MYO3B: variants seen among roughly 807,000 people sequenced by gnomAD.
The protein encoded by MYO3B is myosin-IIIb.
In MYO3B, 156 loss-of-function variants were observed where a neutral mutation model predicts 174.6. That is an observed-to-expected ratio of 0.89 (90% confidence interval 0.78 to 1.02). The LOEUF (loss-of-function observed/expected upper bound fraction) is 1.02. Among genes scored for constraint, MYO3B ranks in the 50% least tolerant of loss-of-function variants. The pLI is 0.00. For synonymous variants in MYO3B, 563 were observed against 569.1 expected, an observed-to-expected ratio of 0.99 and a Z score of 0.15; for missense variants, 1,632 against 1,639.4, an observed-to-expected ratio of 1.00 and a Z score of 0.08.
chr2:170,313,654 G>C (rs964408014), intron 7 of MYO3B, among the ~76,000 whole-genome samples: 1 of 152,108 alleles, frequency 6.6e-6, no homozygotes, highest in African/African-American at 2.4e-5. Context: ...ATGCTCCTTT[G>C]AGAATATCCT....
intron 8 of MYO3B, chr2:170,343,964 C>G (rs1248456559): frequency 2.0e-5 from 3 of 152,242 alleles, no homozygotes; most frequent in African/African-American, 7.2e-5. Context: ...TTTTCTCTCA[C>G]TTGAAATCAG....
At chr2:170,470,102 CAAAAAAAAAAAAAAAAA>C (rs34472083) in intron 25 of MYO3B, among the ~76,000 whole-genome samples, 2 of 46,366 alleles carry the variant, frequency 4.3e-5, no homozygotes, top group African/African-American at 1.6e-4. Context: ...AACTCCGTCT[CAAAAAAAAAAAAAAAAA>C]AAAAAAAAAA....
intron 31 of MYO3B, among the ~76,000 whole-genome samples, chr2:170,543,450 G>C (rs1215022037): frequency 6.6e-6 from 1 of 152,114 alleles, no homozygotes; most frequent in Non-Finnish European, 1.5e-5. Flanking sequence ...TACAGTTTTT[G>C]CCAGTAACTC....
chr2:170,575,890 C>T (rs897028450), intron 32 of MYO3B, among the ~76,000 whole-genome samples: 1 of 152,172 alleles, frequency 6.6e-6, no homozygotes, highest in African/African-American at 2.4e-5. Context: ...TTCTCCCATT[C>T]GTATTGCCTC....
At chr2:170,582,222 G>A (rs1205072210) in intron 32 of MYO3B, among the ~76,000 whole-genome samples, 2 of 152,224 alleles carry the variant, frequency 1.3e-5, no homozygotes, top group East Asian at 3.8e-4. Flanking sequence ...GAATTCCCAG[G>A]AAGCAAAGGG....
chr2:170,477,446 G>C (rs1685385628), intron 25 of MYO3B, among the ~76,000 whole-genome samples: 1 of 152,060 alleles, frequency 6.6e-6, no homozygotes, highest in Non-Finnish European at 1.5e-5. Context: ...GGATGGAGTG[G>C]ACTTTACTCA....
chr2:170,519,730 G>T (rs1027532284), intron 30 of MYO3B, 190 bp downstream of exon 30: 64 of 494,954 alleles, frequency 1.3e-4, no homozygotes, highest in African/African-American at 1.1e-3. Flanking sequence ...CCAGCACTTT[G>T]TGGGGGCCGA....
intron 32 of MYO3B, among the ~76,000 whole-genome samples, chr2:170,641,871 G>C (rs1293433012): frequency 1.5e-5 from 1 of 66,490 alleles, no homozygotes; most frequent in African/African-American, 1.4e-4. Flanking sequence ...GGGGGGGGGG[G>C]GAGGGGCGGG....
intron 7 of MYO3B, among the ~76,000 whole-genome samples, chr2:170,330,352 C>CT (rs1224476481): frequency 6.6e-6 from 1 of 152,122 alleles, no homozygotes; most frequent in Non-Finnish European, 1.5e-5. Context: ...GTAATGGACT[C>CT]TTCACGAGAT....
intron 7 of MYO3B, among the ~76,000 whole-genome samples, chr2:170,315,567 A>G (rs1357771175): frequency 6.6e-6 from 1 of 152,138 alleles, no homozygotes; most frequent in Non-Finnish European, 1.5e-5. Flanking sequence ...CAGCCTCCCA[A>G]AGTGCTGGGA....
chr2:170,419,787 G>A (rs541986404), intron 22 of MYO3B, among the ~76,000 whole-genome samples: 6 of 152,272 alleles, frequency 3.9e-5, no homozygotes, highest in Non-Finnish European at 8.8e-5. Context: ...AAGGTGAGCG[G>A]AGAGAAGAAC....
chr2:170,515,112 A>G, intron 29 of MYO3B, 90 bp downstream of exon 29: 4 of 1,069,980 alleles, frequency 3.7e-6, no homozygotes, highest in Non-Finnish European at 5.5e-6. Context: ...CCTCTTATAT[A>G]AGAACCTTCT....
intron 8 of MYO3B, among the ~76,000 whole-genome samples, chr2:170,342,773 A>G (rs748565566): frequency 8.5e-5 from 13 of 152,118 alleles, no homozygotes; most frequent in Admixed American, 3.3e-4. Context: ...AAAGAGGCCA[A>G]GAGTCCCAAG....
intron 32 of MYO3B, among the ~76,000 whole-genome samples, chr2:170,591,211 G>A (rs369286221): frequency 2.0e-5 from 3 of 152,030 alleles, no homozygotes; most frequent in African/African-American, 4.8e-5. Context: ...GAGCATCAGC[G>A]GATTCCTGTG....
At chr2:170,514,519 C>A (rs141910729) in intron 28 of MYO3B, among the ~76,000 whole-genome samples, 1 of 152,272 alleles carries the variant, frequency 6.6e-6, no homozygotes, top group African/African-American at 2.4e-5. Context: ...TGTTTACTTC[C>A]CTGGTAGTGG....
At position 170,471,916 on chromosome 2, in the gene MYO3B, G is replaced by A. The variant is rs564641158; in HGVS notation, c.3014+5205G>A. Among the ~76,000 whole-genome samples the A allele has an allele frequency of 8.6e-5, 13 of 151,848 alleles. No individual in the cohort carries two copies. In the South Asian group the frequency reaches 1.0e-3, roughly 12 times the overall value. On this transcript the variant is annotated intron_variant, in intron 25 of 34. Transcript: ENST00000408978. ...GGAGGCAGGAGAATTGCTTGAACCCGGAAGGCAGAGGTTGTGGTGAGCCGA... is the reference window on the plus strand; with the variant it reads ...GGAGGCAGGAGAATTGCTTGAACCCAGAAGGCAGAGGTTGTGGTGAGCCGA...
At chr2:170,205,604 C>T (rs62170837) in intron 3 of MYO3B, among the ~76,000 whole-genome samples, 5,969 of 152,218 alleles carry the variant, frequency 0.039, 131 homozygotes, top group South Asian at 0.064. Context: ...GTCTCTTCTT[C>T]ACCTTTCACA....
chr2:170,499,581 C>A, intron 26 of MYO3B, 65 bp from the exon 27 acceptor site: 2 of 1,401,728 alleles, frequency 1.4e-6, no homozygotes, highest in Non-Finnish European at 2.0e-6. Context: ...TTAGAATATG[C>A]TGTAGTAGAG....
In MYO3B at chr2:170,514,572, G is replaced by T. The variant is rs539167201; in HGVS notation, c.3371-349G>T. On this transcript the variant is annotated intron_variant, in intron 28 of 34. Coordinates refer to ENST00000408978, the MANE Select transcript of MYO3B (RefSeq NM_138995.5). ...GAAAGCTATCCAGTGACCAAACCAA[G>T]AATCCTAGCCTGGTGCACTCATGAC... Among the ~76,000 whole-genome samples the T allele has an allele frequency of 3.9e-5, 6 of 152,310 alleles. No individual in the cohort carries two copies. The East Asian group carries it at 5.8e-4, about 15-fold the overall frequency.
Sources: allele counts gnomAD v4.1 joint callset (sites outside exome capture counted in the v4.1 genomes callset), GRCh38; gene constraint gnomAD v4.1.1; transcripts MANE v1.5; gene names NCBI Gene and HGNC (gene_info 2026-07-23, HGNC 2026-07-21).